Variants in CACNA2D1 observed in about 807,000 individuals in gnomAD.
The protein encoded by CACNA2D1 is calcium voltage-gated channel auxiliary subunit alpha2delta 1.
In CACNA2D1, 53 loss-of-function variants were observed where a neutral mutation model predicts 171.5. The ratio of observed to expected loss-of-function variants is 0.31; its 90% CI spans 0.25 to 0.39. CACNA2D1 has a LOEUF of 0.39. CACNA2D1 is among the 10% of genes least tolerant of loss of function. The pLI, the probability that CACNA2D1 is intolerant of heterozygous loss-of-function variation, is 1.00. For synonymous variants in CACNA2D1, 442 were observed against 443.1 expected (o/e 1.00, Z 0.03); for missense variants, 903 against 1,299.8 (o/e 0.69, Z 4.69).
At chr7:82,413,749 T>C (rs893239452) in intron 1 of CACNA2D1, among the ~76,000 whole-genome samples, 2 of 152,256 alleles carry the variant, frequency 1.3e-5, no homozygotes, top group East Asian at 1.9e-4. Context: ...AACAATCTTG[T>C]TCTATTGGCT....
chr7:82,284,486 A>AGTTTT (rs1810512801), intron 3 of CACNA2D1, among the ~76,000 whole-genome samples: 2 of 152,166 alleles, frequency 1.3e-5, no homozygotes, highest in Non-Finnish European at 2.9e-5. Flanking sequence ...AGACTGAGTC[A>AGTTTT]TTTATAAACA....
chr7:82,021,959 T>G (rs1801268968), intron 12 of CACNA2D1, among the ~76,000 whole-genome samples: 1 of 152,012 alleles, frequency 6.6e-6, no homozygotes, highest in Non-Finnish European at 1.5e-5. Flanking sequence ...CAATTCTAGG[T>G]AGTAAATTTT....
At chr7:82,024,279 A>G (rs1801617246) in intron 12 of CACNA2D1, among the ~76,000 whole-genome samples, 1 of 151,664 alleles carries the variant, frequency 6.6e-6, no homozygotes, top group African/African-American at 2.4e-5. Context: ...AACATTGTGC[A>G]AGGATTCCAC....
intron 3 of CACNA2D1, among the ~76,000 whole-genome samples, chr7:82,254,333 C>T (rs187091885): frequency 2.0e-4 from 31 of 152,190 alleles, no homozygotes; most frequent in African/African-American, 7.0e-4. Context: ...TTTTCATATA[C>T]CTTTTATTGG....
At chr7:82,350,717 C>G (rs1459499846) in intron 1 of CACNA2D1, among the ~76,000 whole-genome samples, 4 of 151,982 alleles carry the variant, frequency 2.6e-5, no homozygotes, top group African/African-American at 9.7e-5. Flanking sequence ...CTTAGCTAGA[C>G]TCTTAGATTT....
At chr7:82,187,060 A>T (rs942883314) in intron 3 of CACNA2D1, among the ~76,000 whole-genome samples, 1 of 152,174 alleles carries the variant, frequency 6.6e-6, no homozygotes. Context: ...GCAAATGATA[A>T]TAAATGATTT....
chr7:81,983,744 G>C (rs1467086803), intron 22 of CACNA2D1, among the ~76,000 whole-genome samples: 1 of 152,188 alleles, frequency 6.6e-6, no homozygotes, highest in African/African-American at 2.4e-5. Flanking sequence ...TCTATCAAGT[G>C]AAAGTGGAAA....
At chr7:82,401,078 A>G (rs903267042) in intron 1 of CACNA2D1, among the ~76,000 whole-genome samples, 3 of 152,112 alleles carry the variant, frequency 2.0e-5, no homozygotes, top group African/African-American at 7.2e-5. Flanking sequence ...GAGGATGTGG[A>G]GAAATAGTAA....
chr7:82,125,308 G>A (rs75542710), intron 5 of CACNA2D1, among the ~76,000 whole-genome samples: 1 of 152,268 alleles, frequency 6.6e-6, no homozygotes, highest in East Asian at 1.9e-4. Context: ...GGGTTAATAA[G>A]GCTTTGTAAT....
At chr7:82,234,556 C>G (rs1803324931) in intron 3 of CACNA2D1, among the ~76,000 whole-genome samples, 1 of 151,560 alleles carries the variant, frequency 6.6e-6, no homozygotes, top group Non-Finnish European at 1.5e-5. Context: ...TTTTAAGCCA[C>G]AGCCTTAGAA....
Position 81,998,028 on chromosome 7 carries a change from T to A in CACNA2D1, c.1591-778A>T, listed in dbSNP as rs574127901. On this transcript the variant is annotated intron_variant, in intron 18 of 38. Coordinates refer to ENST00000356860, the MANE Select transcript of CACNA2D1 (RefSeq NM_000722.4). The stretch of plus-strand genomic sequence containing the variant: ...ATTCTTATTTATTCATATCATTATA[T>A]AAAATGATACTGTTAGTCTGGCAAA... Among the ~76,000 whole-genome samples, 7 of 152,062 alleles carry A rather than the reference T, an allele frequency of 4.6e-5. No homozygotes were observed. In the East Asian group the frequency reaches 1.4e-3, roughly 29 times the overall value.
intron 4 of CACNA2D1, among the ~76,000 whole-genome samples, chr7:82,154,111 G>A (rs888329631): frequency 5.9e-5 from 9 of 152,110 alleles, no homozygotes; most frequent in African/African-American, 2.2e-4. Context: ...ACCAAAGCCT[G>A]TAGGACCGTG....
intron 6 of CACNA2D1, among the ~76,000 whole-genome samples, chr7:82,090,743 T>C (rs955989988): frequency 1.3e-5 from 2 of 152,132 alleles, no homozygotes; most frequent in Non-Finnish European, 2.9e-5. Context: ...ATCTAGTTTT[T>C]AATGCCCTTA....
At chr7:82,280,257 A>G (rs1809906814) in intron 3 of CACNA2D1, among the ~76,000 whole-genome samples, 2 of 152,206 alleles carry the variant, frequency 1.3e-5, no homozygotes, top group Non-Finnish European at 2.9e-5. Context: ...GTATGTGTGC[A>G]TGCTCATGTA....
At chr7:82,052,194 A>G (rs1343413533) in intron 10 of CACNA2D1, among the ~76,000 whole-genome samples, 1 of 152,170 alleles carries the variant, frequency 6.6e-6, no homozygotes, top group African/African-American at 2.4e-5. Context: ...AGAGAAATGC[A>G]TGAGGTCTCT....
chr7:82,252,999 C>A (rs1240488323), intron 3 of CACNA2D1, among the ~76,000 whole-genome samples: 1 of 151,992 alleles, frequency 6.6e-6, no homozygotes, highest in South Asian at 2.1e-4. Flanking sequence ...GGAGAAAGCC[C>A]AATTTTAAAG....
At chr7:82,046,916 T>A (rs1325445191) in intron 10 of CACNA2D1, among the ~76,000 whole-genome samples, 2 of 152,308 alleles carry the variant, frequency 1.3e-5, no homozygotes, top group East Asian at 3.9e-4. Flanking sequence ...TCTGAATAAG[T>A]CCCAATTACC....
At chr7:82,377,089 C>T (rs1392780395) in intron 1 of CACNA2D1, among the ~76,000 whole-genome samples, 1 of 152,166 alleles carries the variant, frequency 6.6e-6, no homozygotes, top group East Asian at 1.9e-4. Flanking sequence ...TCCACTAGAG[C>T]TAATCCATTA....
intron 1 of CACNA2D1, among the ~76,000 whole-genome samples, chr7:82,383,265 A>T (rs1823911968): frequency 6.6e-6 from 1 of 152,196 alleles, no homozygotes; most frequent in Non-Finnish European, 1.5e-5. Flanking sequence ...AAAAGAGAAA[A>T]AAACTGGCCC....
Sources: allele counts gnomAD v4.1 joint callset (sites outside exome capture counted in the v4.1 genomes callset), GRCh38; gene constraint gnomAD v4.1.1; transcripts MANE v1.5; gene names NCBI Gene and HGNC (gene_info 2026-07-23, HGNC 2026-07-21).